The following DPRX variants were observed in gnomAD, a reference collection of about 807,000 sequenced individuals.
The protein encoded by DPRX is divergent paired-related homeobox.
DPRX carries 11 observed loss-of-function variants against 8.4 expected under a neutral mutation model. The observed-to-expected ratio is 1.31, with a 90% confidence interval of 0.82 to 2.17. The LOEUF (loss-of-function observed/expected upper bound fraction) is 2.17. DPRX is among the 30% of genes most tolerant of loss of function. DPRX has a pLI of 0.00. For synonymous variants in DPRX, 72 were observed against 87.0 expected, an observed-to-expected ratio of 0.83 and a Z score of 0.96; for missense variants, 211 against 236.7, an observed-to-expected ratio of 0.89 and a Z score of 0.71.
the DPRX span, among the ~76,000 whole-genome samples, chr19:53,609,230 G>A: frequency 3.3e-5 from 5 of 151,548 alleles, no homozygotes; most frequent in South Asian, 2.1e-4. Context: ...CACTTTGGGA[G>A]GCCAAGAGGG....
the DPRX span, among the ~76,000 whole-genome samples, chr19:53,609,948 G>C: frequency 6.6e-6 from 1 of 151,670 alleles, no homozygotes; most frequent in African/African-American, 2.4e-5. Context: ...TCATGCCACT[G>C]CACTCCAGCC....
At chr19:53,620,850 G>A in the DPRX span, among the ~76,000 whole-genome samples, 2 of 151,864 alleles carry the variant, frequency 1.3e-5, no homozygotes, top group Admixed American at 6.6e-5. Flanking sequence ...TGCCTCAGCC[G>A]CCCAAAGTGC....
At chr19:53,618,688 A>AT in the DPRX span, among the ~76,000 whole-genome samples, 105,454 of 139,448 alleles carry the variant, frequency 0.76, 40,314 homozygotes, top group African/African-American at 0.87. Flanking sequence ...TTGTCTCCAG[A>AT]TTTTTTTTTT....
the DPRX span, among the ~76,000 whole-genome samples, chr19:53,603,795 T>G: frequency 4.0e-5 from 6 of 150,070 alleles, no homozygotes; most frequent in African/African-American, 9.9e-5. Context: ...CCAGGCTGGA[T>G]TGCAGTGGCA....
chr19:53,624,265 T>C, the DPRX span, among the ~76,000 whole-genome samples: 1 of 151,480 alleles, frequency 6.6e-6, no homozygotes, highest in Non-Finnish European at 1.5e-5. Flanking sequence ...TTTTTGTACT[T>C]TTTTAGTAGA....
At chr19:53,632,048 T>C, upstream of DPRX, 1 of 1,611,786 alleles carries the variant, frequency 6.2e-7, no homozygotes. Context: ...AAATCCGGAT[T>C]TGATCTTTGC....
chr19:53,618,096 C>A, the DPRX span, among the ~76,000 whole-genome samples: 1 of 150,042 alleles, frequency 6.7e-6, no homozygotes, highest in African/African-American at 2.5e-5. Flanking sequence ...GAGCCTAGAT[C>A]GCTGCCACTG....
At chr19:53,611,287 A>C in the DPRX span, among the ~76,000 whole-genome samples, 1 of 151,872 alleles carries the variant, frequency 6.6e-6, no homozygotes, top group Non-Finnish European at 1.5e-5. Context: ...TTTTTTTTTG[A>C]GACATGGTCT....
chr19:53,629,441 T>C (rs574067073), upstream of DPRX, among the ~76,000 whole-genome samples: 2 of 151,778 alleles, frequency 1.3e-5, no homozygotes, highest in African/African-American at 4.8e-5. Flanking sequence ...AATGTAATTT[T>C]ATTTTAGTTT....
upstream of DPRX, among the ~76,000 whole-genome samples, chr19:53,628,836 G>A (rs145155215): frequency 5.8e-3 from 885 of 151,494 alleles, 11 homozygotes; most frequent in African/African-American, 0.02. Context: ...TGATCCACCC[G>A]CCTCGGCCTC....
At chr19:53,601,893 T>C in the DPRX span, 2 of 390,552 alleles carry the variant, frequency 5.1e-6, no homozygotes, top group Non-Finnish European at 1.0e-5. Context: ...CATTGGTTTT[T>C]CGCAACTGCC....
chr19:53,607,988 C>T, the DPRX span, among the ~76,000 whole-genome samples: 2 of 151,690 alleles, frequency 1.3e-5, no homozygotes, highest in African/African-American at 2.4e-5. Context: ...GCCTGGCCAA[C>T]GTGGTAAAAC....
intron 2 of DPRX, among the ~76,000 whole-genome samples, chr19:53,636,344 C>T (rs576014214): frequency 8.8e-5 from 13 of 147,890 alleles, no homozygotes; most frequent in Admixed American, 2.1e-4. Flanking sequence ...CCAGCCTGGG[C>T]GACAAGGTGA....
At chr19:53,634,748 C>T in intron 2 of DPRX, 63 bp downstream of exon 2, 1 of 1,555,342 alleles carries the variant, frequency 6.4e-7, no homozygotes, top group Non-Finnish European at 8.7e-7. Flanking sequence ...TTCAGAGTCC[C>T]TCTAGGATAA....
the DPRX span, among the ~76,000 whole-genome samples, chr19:53,609,763 T>C: frequency 6.6e-6 from 1 of 151,772 alleles, no homozygotes; most frequent in African/African-American, 2.4e-5. Context: ...GGCGGGCAGG[T>C]CACCTGAAGT....
At chr19:53,618,380 A>G in the DPRX span, among the ~76,000 whole-genome samples, 1 of 151,984 alleles carries the variant, frequency 6.6e-6, no homozygotes, top group Non-Finnish European at 1.5e-5. Flanking sequence ...ATGGTAGATT[A>G]TTTCAGATAG....
the DPRX span, among the ~76,000 whole-genome samples, chr19:53,611,276 A>G: frequency 6.6e-6 from 1 of 150,526 alleles, no homozygotes; most frequent in African/African-American, 2.4e-5. Context: ...ATTTTTTTAA[A>G]TTTTTTTTTG....
At chr19:53,627,289 A>T (rs2091074999), upstream of DPRX, among the ~76,000 whole-genome samples, 1 of 152,110 alleles carries the variant, frequency 6.6e-6, no homozygotes, top group South Asian at 2.1e-4. Flanking sequence ...CCTTAAAAGC[A>T]GGCTTATCCT....
At chr19:53,636,928 C>T (rs755247548) in exon 3 of DPRX, 25 of 1,612,940 alleles carry the variant, frequency 1.5e-5, no homozygotes, top group East Asian at 6.7e-5. Context: ...CCCAAGTTTG[C>T]GCTCCAAGCT....
Sources: allele counts gnomAD v4.1 joint callset (sites outside exome capture counted in the v4.1 genomes callset), GRCh38; gene constraint gnomAD v4.1.1; transcripts MANE v1.5; gene names NCBI Gene and HGNC (gene_info 2026-07-23, HGNC 2026-07-21).